The following ACAD10 variants were observed in gnomAD, a reference collection of about 807,000 sequenced individuals.
The protein encoded by ACAD10 is acyl-CoA dehydrogenase family member 10, also known as ACAD-10.
In ACAD10, 112 loss-of-function variants were observed where a neutral mutation model predicts 116.8. That is an observed-to-expected ratio of 0.96 (90% confidence interval 0.82 to 1.12). The LOEUF is 1.12. Among genes scored for constraint, ACAD10 ranks in the 50% most tolerant of loss-of-function variants. ACAD10 has a pLI of 0.00. For missense variants in ACAD10, 1,259 were observed against 1,350.2 expected (o/e 0.93, Z 1.06); for synonymous variants, 486 against 510.6 (o/e 0.95, Z 0.65).
chr12:111,686,790 C>T (rs1887873859), intron 1 of ACAD10, among the ~76,000 whole-genome samples: 1 of 152,154 alleles, frequency 6.6e-6, no homozygotes, highest in Non-Finnish European at 1.5e-5. Context: ...GTCCTCCTCC[C>T]CACCCTGTCA....
chr12:111,712,822 TG>T (rs1888726644), intron 6 of ACAD10, among the ~76,000 whole-genome samples, 165 bp downstream of exon 6: 1 of 152,286 alleles, frequency 6.6e-6, no homozygotes, highest in East Asian at 1.9e-4. Flanking sequence ...CAGTTTTGCT[TG>T]GGAAAAAGCA....
At chr12:111,744,482 T>A in intron 12 of ACAD10, 161 bp from the exon 13 acceptor site, 1 of 832,318 alleles carries the variant, frequency 1.2e-6, no homozygotes, top group Non-Finnish European at 1.9e-6. Flanking sequence ...TGTATTGCTT[T>A]GGGGATTCAG....
At chr12:111,715,719 A>G in intron 6 of ACAD10, 102 bp from the exon 7 acceptor site, 4 of 1,512,898 alleles carry the variant, frequency 2.6e-6, no homozygotes, top group Non-Finnish European at 3.6e-6. Context: ...GCAGATGAGG[A>G]TATTTTGAAG....
rs771986771 is a variant in ACAD10 at position 111,705,790 on chromosome 12, G to A, written c.389G>A (p.Arg130Gln). The A allele has an allele frequency of 1.2e-5, 19 of 1,614,132 alleles. No individual in the cohort carries two copies. The highest frequency in any genetic ancestry group is 4.4e-5 in the South Asian group (4 of 91,088). ...DSFFSLLTSE[R>Q]VAKQFPVMTE... ...TTTTTCTCTCTGTTGACCAGTGAGC[G>A]AGTGGCAAAGCAGTTCCCAGTGATG... The change falls in exon 4 of 21, where the codon CGA (arginine) becomes CAA (glutamine). Residue 130 changes from arginine (R) to glutamine (Q), a missense_variant. Physicochemically the swap from Arg to Gln is conservative, Grantham distance 43. Coordinates refer to ENST00000313698, the MANE Select transcript of ACAD10 (RefSeq NM_025247.6).
chr12:111,746,918 T>C, intron 14 of ACAD10, 131 bp from the exon 15 acceptor site: 1 of 1,246,852 alleles, frequency 8.0e-7, no homozygotes, highest in Non-Finnish European at 1.1e-6. Context: ...GAGGATGGCT[T>C]GAGCTGAGGA....
In ACAD10 at chr12:111,721,658, T is replaced by TTTGTCC; in HGVS notation, c.993-9_993-4dup. ...CAGCCAGCAATTTTGTTTATTTTCA[T>TTTGTCC]TTGTCCTTGCAGGATTATGAAAGCC... is the stretch of plus-strand genomic sequence containing the variant. On this transcript the variant is annotated splice_polypyrimidine_tract_variant and intron_variant, in intron 7 of 20. Coordinates refer to ENST00000313698, the MANE Select transcript of ACAD10 (RefSeq NM_025247.6). The TTTGTCC allele has an allele frequency of 6.3e-7, 1 of 1,583,740 alleles. No individual in the cohort carries two copies. The highest frequency in any genetic ancestry group is 8.6e-7 in the Non-Finnish European group (1 of 1,159,292).
At chr12:111,754,835 T>C (rs543244067) in intron 19 of ACAD10, among the ~76,000 whole-genome samples, 1 of 152,256 alleles carries the variant, frequency 6.6e-6, no homozygotes. Flanking sequence ...CCCTTCAGTG[T>C]GTGCTGGCTG....
intron 10 of ACAD10, among the ~76,000 whole-genome samples, chr12:111,732,514 A>G (rs1047186829): frequency 1.3e-5 from 2 of 152,234 alleles, no homozygotes; most frequent in African/African-American, 4.8e-5. Context: ...AAAAATCTGA[A>G]GCAAATGTAA....
intron 14 of ACAD10, 147 bp downstream of exon 14, chr12:111,746,431 A>C (rs1004391719): frequency 3.2e-6 from 3 of 946,734 alleles, no homozygotes; most frequent in Non-Finnish European, 4.4e-6. Context: ...TCTGTCACCC[A>C]GGCTGGAGTG....
intron 18 of ACAD10, among the ~76,000 whole-genome samples, chr12:111,751,640 A>AGGAT: frequency 6.6e-6 from 1 of 152,142 alleles, no homozygotes; most frequent in South Asian, 2.1e-4. Flanking sequence ...CTGAGGCAGG[A>AGGAT]GGATCACTTG....
At position 111,692,832 on chromosome 12, in the gene ACAD10, C is replaced by G. The variant is rs775733908; in HGVS notation, c.123C>G (p.Thr41=). 9 of 1,614,204 alleles carry G rather than the reference C, an allele frequency of 5.6e-6. No homozygotes were observed. In the South Asian group the frequency reaches 9.9e-5, roughly 18 times the overall value. Residue 41 remains threonine (T), a synonymous_variant, in exon 2 of 21, where the codon ACC becomes ACG. Transcript: ENST00000313698. ...GATGGACACACCTTGGAGGCAGCACCTACAGAGCGGTGATTTTCGACATGG... is the reference window on the plus strand; with the variant it reads ...GATGGACACACCTTGGAGGCAGCACGTACAGAGCGGTGATTTTCGACATGG... ...SHRWTHLGGS[T]YRAVIFDMGG...
At chr12:111,720,868 C>T (rs1888995770) in intron 7 of ACAD10, among the ~76,000 whole-genome samples, 2 of 152,176 alleles carry the variant, frequency 1.3e-5, no homozygotes, top group Admixed American at 1.3e-4. Context: ...ATTGCAACCT[C>T]CGCCTCCTGG....
intron 20 of ACAD10, chr12:111,756,092 C>G: frequency 7.3e-7 from 1 of 1,376,632 alleles, no homozygotes; most frequent in Non-Finnish European, 9.5e-7. Context: ...GATCCTAACC[C>G]CCGGCCCCAG....
chr12:111,710,363 C>A, intron 5 of ACAD10: 1 of 431,250 alleles, frequency 2.3e-6, no homozygotes, highest in South Asian at 1.6e-5. Context: ...GGTGAGATTA[C>A]AGGTGTGAGC....
intron 16 of ACAD10, 179 bp downstream of exon 16, chr12:111,747,564 G>A (rs1889948804): frequency 1.4e-6 from 2 of 1,428,790 alleles, no homozygotes; most frequent in South Asian, 1.4e-5. Flanking sequence ...GGAGCACACT[G>A]TTCTCAGAGG....
chr12:111,754,760 G>A (rs1020925599), intron 19 of ACAD10, among the ~76,000 whole-genome samples: 3 of 152,232 alleles, frequency 2.0e-5, no homozygotes, highest in African/African-American at 7.2e-5. Flanking sequence ...AGTGGCCTTG[G>A]TCCACTGCTG....
chr12:111,702,822 G>A (rs1387508721), intron 3 of ACAD10, among the ~76,000 whole-genome samples: 1 of 151,998 alleles, frequency 6.6e-6, no homozygotes, highest in Non-Finnish European at 1.5e-5. Flanking sequence ...AGCCAGGCGT[G>A]GTGGCTAACA....
chr12:111,754,046 T>G lies in ACAD10; in HGVS notation c.2961+131T>G, dbSNP rs990400048. The G allele has an allele frequency of 7.5e-6, 10 of 1,337,518 alleles. No individual in the cohort carries two copies. The African/African-American group carries it at 1.5e-4, about 20-fold the overall frequency. The allele number at this position is 1,337,518 out of a possible 1,614,324, so 82.9% of individuals were successfully genotyped here. A position where few individuals can be genotyped will look rare whatever the true frequency, so the allele number is the denominator to read the frequency against. ...TCTACTTGGAGCTGTTTGGGCAGTT[T>G]TTCAAAAATTGGAAAGGCACAAGAA... On this transcript the variant is annotated intron_variant, in intron 19 of 20. Transcript: ENST00000313698.
intron 7 of ACAD10, among the ~76,000 whole-genome samples, chr12:111,720,787 A>ATTTTT: frequency 6.6e-6 from 1 of 150,756 alleles, no homozygotes; most frequent in Non-Finnish European, 1.5e-5. Context: ...TATTTATTTT[A>ATTTTT]TTTTATTTTT....
Sources: gnomAD v4.1 joint callset for allele counts (sites outside exome capture counted in the v4.1 genomes callset) on GRCh38, gnomAD v4.1.1 for gene constraint, MANE v1.5 for transcripts, NCBI Gene and HGNC (gene_info 2026-07-23, HGNC 2026-07-21) for gene names.